MEIS1: variants seen among roughly 807,000 people sequenced by gnomAD.
MEIS1 encodes Meis homeobox 1.
A neutral mutation model predicts 50.8 loss-of-function variants in MEIS1; 5 were observed. That is an observed-to-expected ratio of 0.10 (90% CI 0.05 to 0.21). The LOEUF (loss-of-function observed/expected upper bound fraction) is 0.21. Among genes scored for constraint, MEIS1 ranks in the 10% least tolerant of loss-of-function variants. The probability of loss-of-function intolerance (pLI) is 1.00; values close to 1 mark genes in which losing one functional copy is unlikely to be tolerated. For missense variants in MEIS1, 318 were observed against 517.3 expected, an observed-to-expected ratio of 0.61 and a Z score of 3.74; for synonymous variants, 176 against 179.3, an observed-to-expected ratio of 0.98 and a Z score of 0.15.
At chr2:66,547,550 G>A (rs764930448) in intron 8 of MEIS1, among the ~76,000 whole-genome samples, 4 of 152,118 alleles carry the variant, frequency 2.6e-5, no homozygotes, top group Non-Finnish European at 2.9e-5. Flanking sequence ...TGGTCCAAAT[G>A]GGTCAGCTTT....
intron 8 of MEIS1, among the ~76,000 whole-genome samples, chr2:66,525,054 AAT>A (rs1435748233): frequency 2.0e-5 from 3 of 152,228 alleles, no homozygotes; most frequent in African/African-American, 7.2e-5. Context: ...TCTCTACAAA[AAT>A]ACAAAACTTA....
In MEIS1 at chr2:66,571,783, T is replaced by C. The variant is rs944718722; in HGVS notation, c.*575T>C. The C allele has an allele frequency of 9.1e-6, 4 of 441,814 alleles. No individual in the cohort carries two copies. Among genetic ancestry groups the C allele is most frequent in the African/African-American group, 8.3e-5 (4 of 48,328 alleles). The allele number at this position is 441,814 out of a possible 1,614,324, so 27.4% of individuals were successfully genotyped here. A position where few individuals can be genotyped will look rare whatever the true frequency, so the allele number is the denominator to read the frequency against. ...TTATACTGTTATCCATATTACGTTG[T>C]TTCTTATAGATTTTTTAAAAAAAAT... On this transcript the variant is annotated 3_prime_UTR_variant, in exon 13 of 13. Coordinates refer to ENST00000272369, the MANE Select transcript of MEIS1 (RefSeq NM_002398.3).
chr2:66,553,198 C>T (rs1261192403), intron 9 of MEIS1, among the ~76,000 whole-genome samples: 1 of 152,146 alleles, frequency 6.6e-6, no homozygotes, highest in East Asian at 1.9e-4. Flanking sequence ...TTGTATTAAG[C>T]AGGTGGTTTA....
At chr2:66,564,829 C>G (rs1036005502) in intron 9 of MEIS1, among the ~76,000 whole-genome samples, 3 of 151,574 alleles carry the variant, frequency 2.0e-5, no homozygotes, top group Non-Finnish European at 4.4e-5. Context: ...CCCATTAACT[C>G]GTCATTTACA....
At chr2:66,459,387 G>A (rs1038055242) in intron 6 of MEIS1, among the ~76,000 whole-genome samples, 17 of 152,180 alleles carry the variant, frequency 1.1e-4, no homozygotes, top group South Asian at 6.2e-4. Flanking sequence ...CCAGGGTAAG[G>A]ACCTCAGATT....
At chr2:66,543,187 C>T (rs1396447208) in intron 8 of MEIS1, among the ~76,000 whole-genome samples, 1 of 152,094 alleles carries the variant, frequency 6.6e-6, no homozygotes, top group African/African-American at 2.4e-5. Flanking sequence ...TTTACATAAG[C>T]TATTTTTAGA....
chr2:66,528,978 C>G (rs1256772352), intron 8 of MEIS1, among the ~76,000 whole-genome samples: 1 of 152,180 alleles, frequency 6.6e-6, no homozygotes, highest in African/African-American at 2.4e-5. Flanking sequence ...GCTGCACAGT[C>G]TTGTCCTCTG....
At chr2:66,559,699 T>G (rs536625135) in intron 9 of MEIS1, among the ~76,000 whole-genome samples, 1 of 152,356 alleles carries the variant, frequency 6.6e-6, no homozygotes, top group East Asian at 1.9e-4. Context: ...ATAATCATTT[T>G]AAATCTATAT....
intron 6 of MEIS1, among the ~76,000 whole-genome samples, chr2:66,444,887 T>C (rs1304742038): frequency 1.3e-5 from 2 of 152,198 alleles, no homozygotes; most frequent in Non-Finnish European, 2.9e-5. Flanking sequence ...AAATCAACAC[T>C]TTAATTGCCT....
In MEIS1 at chr2:66,442,996, G is replaced by C. The variant is rs1400145161; in HGVS notation, c.578G>C (p.Gly193Ala). ...IDLVIDDREG[G>A]SKSDSEDITR... ...TTGGTGATAGACGATAGAGAAGGAG[G>C]ATCAAAATCAGACAGTGAAGATATA... Residue 193 changes from glycine to alanine, a missense_variant, in exon 6 of 13, where the codon GGA becomes GCA. Around this residue, in one of 6 missense-constraint regions of MEIS1, gnomAD observed 75 missense variants for 153.7 expected, o/e 0.49. Coordinates refer to ENST00000272369, the MANE Select transcript of MEIS1 (RefSeq NM_002398.3). The C allele has an allele frequency of 1.2e-6, 2 of 1,604,096 alleles. No individual in the cohort carries two copies. The highest frequency in any genetic ancestry group is 2.3e-5 in the South Asian group (2 of 88,496).
At chr2:66,451,193 A>C (rs1344392111) in intron 6 of MEIS1, among the ~76,000 whole-genome samples, 1 of 152,122 alleles carries the variant, frequency 6.6e-6, no homozygotes, top group Non-Finnish European at 1.5e-5. Context: ...CTTGGTATAA[A>C]GATTAATATT....
At chr2:66,556,238 G>A (rs1675061124) in intron 9 of MEIS1, among the ~76,000 whole-genome samples, 1 of 152,134 alleles carries the variant, frequency 6.6e-6, no homozygotes, top group African/African-American at 2.4e-5. Context: ...CCTGATGCCT[G>A]AACAATAACA....
At chr2:66,451,891 A>G (rs1257624044) in intron 6 of MEIS1, among the ~76,000 whole-genome samples, 2 of 151,932 alleles carry the variant, frequency 1.3e-5, no homozygotes, top group East Asian at 1.9e-4. Context: ...TAGCCTTCCT[A>G]TATATTTACT....
intron 8 of MEIS1, among the ~76,000 whole-genome samples, chr2:66,547,148 A>G (rs1243541552): frequency 6.6e-6 from 1 of 152,230 alleles, no homozygotes; most frequent in Non-Finnish European, 1.5e-5. Flanking sequence ...GATATATTTG[A>G]TCAGTGAACA....
In MEIS1 at chr2:66,522,698, C is replaced by T. The variant is rs757087001; in HGVS notation, c.888+10404C>T. Among the ~76,000 whole-genome samples the T allele has an allele frequency of 3.3e-5, 5 of 152,244 alleles. No individual in the cohort carries two copies. The East Asian group carries it at 9.7e-4, about 29-fold the overall frequency. On this transcript the variant is annotated intron_variant, in intron 8 of 12. Transcript: ENST00000272369. ...ATGTGATGGAGTAATTAGATGAAGC[C>T]AGGGCTTCTGACTGTTGCCATGCAT... is the stretch of plus-strand genomic sequence containing the variant.
In MEIS1 at chr2:66,442,270, TAAAAAAA is replaced by T. The variant is rs11292294; in HGVS notation, c.484-614_484-608del. Among the ~76,000 whole-genome samples, 9 of 114,552 alleles carry T rather than the reference TAAAAAAA, an allele frequency of 7.9e-5. 1 individual carries two copies. The highest frequency in any genetic ancestry group is 1.6e-4 in the African/African-American group (5 of 32,168). 75.2% of individuals were successfully genotyped at this position (114,552 alleles called of 152,430 possible). ...TTTGAGGCATTCCTTCTCCTTTTTGTAAAAAAAAAAAAAAAAAAAAAAAATCAATTTG... is the reference window on the plus strand; with the variant it reads ...TTTGAGGCATTCCTTCTCCTTTTTGTAAAAAAAAAAAAAAAAATCAATTTG... On this transcript the variant is annotated intron_variant, in intron 5 of 12. Transcript: ENST00000272369.
chr2:66,481,979 C>T (rs908853484), intron 7 of MEIS1, among the ~76,000 whole-genome samples: 3 of 150,436 alleles, frequency 2.0e-5, no homozygotes, highest in African/African-American at 7.4e-5. Context: ...CTCAGCCTCC[C>T]GAGTAGCTGG....
At chr2:66,441,316 T>A in intron 4 of MEIS1, 98 bp from the exon 5 acceptor site, 1 of 994,880 alleles carries the variant, frequency 1.0e-6, no homozygotes, top group Non-Finnish European at 1.5e-6. Flanking sequence ...ATAACTCTAT[T>A]TACTGGTGGG....
At chr2:66,456,457 G>C (rs1380594235) in intron 6 of MEIS1, among the ~76,000 whole-genome samples, 1 of 152,192 alleles carries the variant, frequency 6.6e-6, no homozygotes, top group Non-Finnish European at 1.5e-5. Flanking sequence ...TGGCAAATAT[G>C]ACAGGGCTGG....
Sources: allele counts gnomAD v4.1 joint callset (sites outside exome capture counted in the v4.1 genomes callset), GRCh38; gene constraint gnomAD v4.1.1; regional missense constraint gnomAD v4.1.1; transcripts MANE v1.5; gene names NCBI Gene and HGNC (gene_info 2026-07-23, HGNC 2026-07-21).